The following EPS8 variants were observed in gnomAD, a reference collection of about 807,000 sequenced individuals.
EPS8 encodes the protein epidermal growth factor receptor kinase substrate 8.
EPS8 carries 42 observed loss-of-function variants against 103.8 expected under a neutral mutation model. That is an observed-to-expected ratio of 0.40 (90% confidence interval 0.32 to 0.52). The LOEUF (loss-of-function observed/expected upper bound fraction) is 0.52. Ranked by LOEUF, EPS8 falls within the 20% of genes least tolerant of loss-of-function variation. The pLI, the probability that EPS8 is intolerant of heterozygous loss-of-function variation, is 0.40. For missense variants in EPS8, 969 were observed against 1,005.1 expected (o/e 0.96, Z 0.49); for synonymous variants, 344 against 344.6 (o/e 1.00, Z 0.02).
intron 1 of EPS8, among the ~76,000 whole-genome samples, chr12:15,742,372 C>T (rs1415106348): frequency 6.6e-6 from 1 of 152,164 alleles, no homozygotes; most frequent in Non-Finnish European, 1.5e-5. Flanking sequence ...CTCTCCAGCA[C>T]CTGTTGTTTC....
Position 15,787,869 on chromosome 12 carries a change from A to T in EPS8, c.-22+1292T>A, listed in dbSNP as rs182107617. 70 of 152,324 alleles carry T rather than the reference A, an allele frequency of 4.6e-4. 1 individual carries two copies. Among genetic ancestry groups the T allele is most frequent in the Admixed American group, 4.1e-3 (62 of 15,306 alleles). 9.4% of individuals were successfully genotyped at this position (152,324 alleles called of 1,614,324 possible). ...AATTTTCCACACCAGCAACTTAAGAACTACAGCAATATGTTTAGAAAACTG... is the reference window on the plus strand; with the variant it reads ...AATTTTCCACACCAGCAACTTAAGATCTACAGCAATATGTTTAGAAAACTG... On this transcript the variant is annotated intron_variant, in intron 1 of 20. Transcript: ENST00000281172. The surrounding 1 kb of genome is among the most constrained non-coding windows in gnomAD (Gnocchi z 4.9).
intron 15 of EPS8, among the ~76,000 whole-genome samples, chr12:15,645,293 T>G (rs1401331007): frequency 2.0e-5 from 3 of 152,172 alleles, no homozygotes; most frequent in Non-Finnish European, 4.4e-5. Flanking sequence ...CTGATACTTA[T>G]TCCTTTTCCT....
chr12:15,686,254 A>C (rs565463613), intron 1 of EPS8, among the ~76,000 whole-genome samples: 4 of 152,156 alleles, frequency 2.6e-5, no homozygotes, highest in Non-Finnish European at 5.9e-5. Flanking sequence ...AGCTTACTTT[A>C]TTTTAGAATA....
intron 1 of EPS8, among the ~76,000 whole-genome samples, chr12:15,783,582 C>A (rs1947281227): frequency 6.6e-6 from 1 of 152,140 alleles, no homozygotes; most frequent in African/African-American, 2.4e-5. Flanking sequence ...AACATACACC[C>A]TGCAAATCCT....
intron 17 of EPS8, 41 bp downstream of exon 17, chr12:15,640,662 A>C (rs1458690691): frequency 6.3e-7 from 1 of 1,579,614 alleles, no homozygotes. Context: ...ATAACTTCGT[A>C]AATGTGTACA....
In EPS8 at chr12:15,764,207, G is replaced by A. The variant is rs1413945696; in HGVS notation, c.-22+24954C>T. Among the ~76,000 whole-genome samples, 1 of 152,116 alleles carries A rather than the reference G, an allele frequency of 6.6e-6. No homozygotes were observed. The highest frequency in any genetic ancestry group is 1.5e-5 in the Non-Finnish European group (1 of 68,016). On this transcript the variant is annotated intron_variant, in intron 1 of 20. Transcript: ENST00000281172. This position sits in a 1 kb window ranked among gnomAD's most constrained non-coding sequence, Gnocchi z 4.1. ...TTTATAAAACCATCAGATCTCGTGA[G>A]ACTTATTCACTGTCACAAGAACAGC...
intron 3 of EPS8, among the ~76,000 whole-genome samples, chr12:15,678,941 G>C (rs929919221): frequency 7.1e-6 from 1 of 141,532 alleles, no homozygotes; most frequent in African/African-American, 2.7e-5. Context: ...AAAAAAGTAA[G>C]ATTTTTCATT....
chr12:15,670,887 C>T lies in EPS8; in HGVS notation c.173G>A (p.Ser58Asn). ...ACGGTATTGAGATATATCTGACACA[C>T]TGCTGACACTGTCCCGTGCATAATT... is the stretch of plus-strand genomic sequence containing the variant. ...RKNYARDSVS[S>N]VSDISQYRVE... The change falls in exon 4 of 21, where the codon AGT (serine) becomes AAT (asparagine). Residue 58 changes from serine (S) to asparagine (N), a missense_variant. Coordinates refer to ENST00000281172, the MANE Select transcript of EPS8 (RefSeq NM_004447.6). 1 of 1,612,472 alleles carries T rather than the reference C, an allele frequency of 6.2e-7. No homozygotes were observed. Among genetic ancestry groups the T allele is most frequent in the South Asian group, 1.1e-5 (1 of 90,916 alleles).
chr12:15,745,370 A>C lies in EPS8; in HGVS notation c.-22+43791T>G, dbSNP rs543028217. ...CGGGCCCTCCCCGTTCCCATAAAAA[A>C]CATCAATAATTTATCATTACACTCT... On this transcript the variant is annotated intron_variant, in intron 1 of 20. Transcript: ENST00000281172. The surrounding 1 kb of genome is among the most constrained non-coding windows in gnomAD (Gnocchi z 4.6). Among the ~76,000 whole-genome samples the C allele has an allele frequency of 1.6e-4, 24 of 152,340 alleles. No individual in the cohort carries two copies. In the South Asian group the frequency reaches 4.8e-3, roughly 30 times the overall value.
Position 15,742,709 on chromosome 12 carries a change from C to T in EPS8, c.-22+46452G>A, listed in dbSNP as rs551605436. 3.0e-4 allele frequency among the ~76,000 whole-genome samples: 46 copies of T among 152,302 alleles called. 2 individuals carry two copies. In the South Asian group the frequency reaches 8.7e-3, roughly 29 times the overall value. ...AGAAAAGGCCTTTGACAAAATTCAA[C>T]AGCCCTTCATGCTAAAAACTCTCAA... On this transcript the variant is annotated intron_variant, in intron 1 of 20. Coordinates refer to ENST00000281172, the MANE Select transcript of EPS8 (RefSeq NM_004447.6).
intron 6 of EPS8, among the ~76,000 whole-genome samples, chr12:15,668,535 A>G (rs1469850784): frequency 6.6e-6 from 1 of 152,258 alleles, no homozygotes; most frequent in Non-Finnish European, 1.5e-5. Flanking sequence ...CTAAGGTCCA[A>G]TAAAGCATCA....
intron 7 of EPS8, 85 bp downstream of exon 7, chr12:15,666,355 T>C: frequency 1.0e-6 from 1 of 975,904 alleles, no homozygotes; most frequent in Non-Finnish European, 1.6e-6. Context: ...TATACTTCCA[T>C]AGAAAATAAT....
At position 15,765,012 on chromosome 12, in the gene EPS8, A is replaced by G. The variant is rs576259649; in HGVS notation, c.-22+24149T>C. On this transcript the variant is annotated intron_variant, in intron 1 of 20. Transcript: ENST00000281172. Reference sequence around the variant, plus strand: ...TATAAACTGAGATTAATCCTTGTTTAATGATATCTATCAGGTTATAATTGA... The same window carrying G: ...TATAAACTGAGATTAATCCTTGTTTGATGATATCTATCAGGTTATAATTGA... 3.9e-5 allele frequency among the ~76,000 whole-genome samples: 6 copies of G among 152,350 alleles called. No individual in the cohort carries two copies. In the South Asian group the frequency reaches 1.2e-3, roughly 32 times the overall value.
chr12:15,682,925 G>C lies in EPS8; in HGVS notation c.27C>G (p.Pro9=), dbSNP rs1946034204. The change falls in exon 2 of 21, where the codon CCC becomes CCG. Residue 9 remains proline (P), a synonymous_variant. Coordinates refer to ENST00000281172, the MANE Select transcript of EPS8 (RefSeq NM_004447.6). ...GAGATGGGTACATTCCAAAACTACT[G>C]GGATGATTAGAAATATGACCATTCA... MNGHISNH[P]SSFGMYPSQM... 6.3e-7 allele frequency: 1 copy of C among 1,583,566 alleles called. No homozygotes were observed. Among genetic ancestry groups the C allele is most frequent in the Non-Finnish European group, 8.6e-7 (1 of 1,162,396 alleles).
chr12:15,646,320 G>A (rs1362019384), intron 15 of EPS8, among the ~76,000 whole-genome samples: 1 of 152,138 alleles, frequency 6.6e-6, no homozygotes, highest in Non-Finnish European at 1.5e-5. Context: ...CAGAAAAGAA[G>A]TAAAGGGCAT....
At chr12:15,682,706 C>T (rs1946028443) in intron 2 of EPS8, among the ~76,000 whole-genome samples, 187 bp downstream of exon 2, 1 of 152,062 alleles carries the variant, frequency 6.6e-6, no homozygotes, top group Admixed American at 6.5e-5. Flanking sequence ...TTTACTTTAC[C>T]ATCTTATTCT....
intron 14 of EPS8, among the ~76,000 whole-genome samples, chr12:15,649,575 A>G (rs754954743): frequency 1.3e-5 from 2 of 152,176 alleles, no homozygotes; most frequent in Non-Finnish European, 2.9e-5. Context: ...TTTAGAGGGA[A>G]AGACAGGCAT....
chr12:15,783,699 A>C (rs1440389127), intron 1 of EPS8, among the ~76,000 whole-genome samples: 1 of 150,686 alleles, frequency 6.6e-6, no homozygotes, highest in African/African-American at 2.5e-5. Flanking sequence ...TTCACAAAGA[A>C]GCATCTCTGA....
chr12:15,698,147 A>G lies in EPS8; in HGVS notation c.-21-15175T>C, dbSNP rs747879675. On this transcript the variant is annotated intron_variant, in intron 1 of 20. Transcript: ENST00000281172. This position sits in a 1 kb window ranked among gnomAD's most constrained non-coding sequence, Gnocchi z 4.9. ...AAAAGGCTTTCTGAAACTGTTTAAT[A>G]AAGGAAAAATGGAAAAACTCTACAA... Among the ~76,000 whole-genome samples, 3 of 152,234 alleles carry G rather than the reference A, an allele frequency of 2.0e-5. No homozygotes were observed. Among genetic ancestry groups the G allele is most frequent in the Non-Finnish European group, 4.4e-5 (3 of 68,046 alleles).
Sources: gnomAD v4.1 joint callset for allele counts (sites outside exome capture counted in the v4.1 genomes callset) on GRCh38, gnomAD v4.1.1 for gene constraint, Gnocchi (gnomAD v3.1) non-coding constraint, MANE v1.5 for transcripts, NCBI Gene and HGNC (gene_info 2026-07-23, HGNC 2026-07-21) for gene names.